The following PCDHGA3 variants were observed in gnomAD, a reference collection of about 807,000 sequenced individuals.
PCDHGA3 encodes protocadherin gamma subfamily A, 3, also known as protocadherin gamma-A3.
A neutral mutation model predicts 58.5 loss-of-function variants in PCDHGA3; 40 were observed. The observed-to-expected ratio is 0.68, with a 90% CI of 0.53 to 0.89. PCDHGA3 has a LOEUF of 0.89. PCDHGA3 is among the 40% of genes least tolerant of loss of function. PCDHGA3 has a pLI of 0.00. For missense variants in PCDHGA3, 1,223 were observed against 1,195.9 expected (o/e 1.02, Z -0.33); for synonymous variants, 530 against 525.7 (o/e 1.01, Z -0.11).
intron 1 of PCDHGA3, among the ~76,000 whole-genome samples, chr5:141,407,392 A>G (rs1427023659): frequency 6.6e-6 from 1 of 152,226 alleles, no homozygotes; most frequent in Non-Finnish European, 1.5e-5. Flanking sequence ...ATGTCATGGT[A>G]GGTAGTTACT....
rs369595307 is a variant in PCDHGA3, at chr5:141,394,005, A to G, written c.2424+47548A>G. On this transcript the variant is annotated intron_variant, in intron 1 of 3. Coordinates refer to ENST00000253812, the MANE Select transcript of PCDHGA3 (RefSeq NM_018916.4). ...TTTACCTTTTAAATTAGAAAAGTCA[A>G]TAGGTAATTATTATAGATTAGTGAC... 52 of 1,613,340 alleles carry G rather than the reference A, an allele frequency of 3.2e-5. No individual in the cohort carries two copies. In the African/African-American group the frequency reaches 5.6e-4, roughly 17 times the overall value.
In PCDHGA3 at chr5:141,344,136, G is replaced by T. The variant is rs770958946; in HGVS notation, c.103G>T (p.Val35Leu). ...ETGSGQIRYS[V>L]SEELDKGSFV... ...AGGATCCGGTCAGATCCGCTACTCG[G>T]TGTCTGAGGAGCTAGATAAAGGTTC... The change falls in exon 1 of 4, where the codon GTG (valine) becomes TTG (leucine). Residue 35 changes from valine to leucine, a missense_variant. Transcript: ENST00000253812. 6.2e-7 allele frequency: 1 copy of T among 1,614,060 alleles called. No homozygotes were observed. Among genetic ancestry groups the T allele is most frequent in the Non-Finnish European group, 8.5e-7 (1 of 1,179,902 alleles).
At chr5:141,387,282 A>C (rs578102496) in intron 1 of PCDHGA3, among the ~76,000 whole-genome samples, 59 of 152,340 alleles carry the variant, frequency 3.9e-4, no homozygotes, top group Admixed American at 2.0e-3. Context: ...CAATGAAAGA[A>C]AGATAAAATG....
chr5:141,431,256 C>T lies in PCDHGA3; in HGVS notation c.2425-63551C>T. The stretch of plus-strand genomic sequence containing the variant: ...TGGGATCCGGATATCGGGAAGAACT[C>T]TCTGCAGAGCTACGAGCTCAGCCCG... On this transcript the variant is annotated intron_variant, in intron 1 of 3. Transcript: ENST00000253812. This position sits in a 1 kb window ranked among gnomAD's most constrained non-coding sequence, Gnocchi z 4.8. The T allele has an allele frequency of 6.2e-7, 1 of 1,614,194 alleles. No homozygotes were observed. Among genetic ancestry groups the T allele is most frequent in the South Asian group, 1.1e-5 (1 of 91,088 alleles).
chr5:141,382,342 T>A (rs1481008486), intron 1 of PCDHGA3, among the ~76,000 whole-genome samples: 1 of 152,250 alleles, frequency 6.6e-6, no homozygotes, highest in East Asian at 1.9e-4. Context: ...GTAAAATCTT[T>A]CATATGTATT....
intron 1 of PCDHGA3, chr5:141,398,904 C>A (rs1487711986): frequency 3.1e-6 from 5 of 1,613,930 alleles, no homozygotes; most frequent in Non-Finnish European, 3.4e-6. Context: ...CACCAGGCAC[C>A]ACTGTGTTGC....
At chr5:141,451,170 A>G (rs960062747) in intron 1 of PCDHGA3, among the ~76,000 whole-genome samples, 8 of 152,148 alleles carry the variant, frequency 5.3e-5, no homozygotes, top group East Asian at 3.9e-4. Flanking sequence ...GTAGTATATT[A>G]TTTAGCCATT....
In PCDHGA3 at chr5:141,487,869, G is replaced by T; in HGVS notation, c.2425-6938G>T. On this transcript the variant is annotated intron_variant, in intron 1 of 3. Transcript: ENST00000253812. This position sits in a 1 kb window ranked among gnomAD's most constrained non-coding sequence, Gnocchi z 5.0. ...AAATGAAAGTAATTGGTGATCAAGA[G>T]CCAGGCTGTTGTGGAAGCATGATGA... 1.1e-6 allele frequency: 1 copy of T among 871,620 alleles called. No individual in the cohort carries two copies. The highest frequency in any genetic ancestry group is 1.7e-6 in the Non-Finnish European group (1 of 574,346). The allele number at this position is 871,620 out of a possible 1,614,324, so 54.0% of individuals were successfully genotyped here. A position where few individuals can be genotyped will look rare whatever the true frequency, so the allele number is the denominator to read the frequency against.
chr5:141,379,082 T>C (rs982884901), intron 1 of PCDHGA3: 9 of 152,216 alleles, frequency 5.9e-5, no homozygotes, highest in Non-Finnish European at 1.2e-4. Flanking sequence ...CTGAATTTGT[T>C]ATGAATGTGT....
Position 141,370,276 on chromosome 5 carries a change from C to G in PCDHGA3, c.2424+23819C>G, listed in dbSNP as rs1259059865. The G allele has an allele frequency of 3.6e-6, 3 of 839,228 alleles. No homozygotes were observed. The African/African-American group carries it at 5.1e-5, about 14-fold the overall frequency. 52.0% of individuals were successfully genotyped at this position (839,228 alleles called of 1,614,324 possible). ...ATCAGGCTTCCTGCAGCGGAGACAC[C>G]CATTAGAGAACCCAAGCACAAAGAC... On this transcript the variant is annotated intron_variant, in intron 1 of 3. Coordinates refer to ENST00000253812, the MANE Select transcript of PCDHGA3 (RefSeq NM_018916.4).
chr5:141,346,567 CCTTT>C, intron 1 of PCDHGA3, 110 bp downstream of exon 1: 1 of 1,440,334 alleles, frequency 6.9e-7, no homozygotes, highest in Non-Finnish European at 9.4e-7. Flanking sequence ...TGTCATTAGT[CCTTT>C]GACTAAATAT....
chr5:141,367,668 G>T (rs1218712700), intron 1 of PCDHGA3: 2 of 152,216 alleles, frequency 1.3e-5, no homozygotes, highest in East Asian at 3.9e-4. Flanking sequence ...TGGATATGTG[G>T]GCTTGTTGAG....
chr5:141,410,553 C>T, intron 1 of PCDHGA3: 1 of 1,613,232 alleles, frequency 6.2e-7, no homozygotes. Context: ...TGCAGTGTTT[C>T]TCCTGGAGCC....
At chr5:141,392,782 A>G (rs1375306296) in intron 1 of PCDHGA3, 1 of 1,540,122 alleles carries the variant, frequency 6.5e-7, no homozygotes, top group Non-Finnish European at 8.7e-7. Context: ...TGCACAGTGA[A>G]GATTCTGAGA....
At chr5:141,371,570 T>C (rs767925650) in intron 1 of PCDHGA3, 3 of 1,613,762 alleles carry the variant, frequency 1.9e-6, no homozygotes, top group Admixed American at 3.3e-5. Flanking sequence ...ACTTCCCCTT[T>C]AAAATCGTTC....
chr5:141,369,075 T>C (rs1766014399), intron 1 of PCDHGA3, among the ~76,000 whole-genome samples: 1 of 152,154 alleles, frequency 6.6e-6, no homozygotes, highest in African/African-American at 2.4e-5. Context: ...ATAATTTCTT[T>C]AGGAAGATTT....
At chr5:141,365,397 T>A (rs1763890362) in intron 1 of PCDHGA3, 1 of 1,613,844 alleles carries the variant, frequency 6.2e-7, no homozygotes, top group Non-Finnish European at 8.5e-7. Context: ...ACCAGTTCGA[T>A]CTCTGAAGAC....
chr5:141,394,458 A>T, intron 1 of PCDHGA3: 1 of 1,614,218 alleles, frequency 6.2e-7, no homozygotes, highest in Non-Finnish European at 8.5e-7. Context: ...CATGTCACTG[A>T]GCCTGTTCGT....
At chr5:141,362,329 A>G (rs1463168776) in intron 1 of PCDHGA3, 5 of 1,613,930 alleles carry the variant, frequency 3.1e-6, no homozygotes, top group Non-Finnish European at 4.2e-6. Flanking sequence ...GCCTGGTCTC[A>G]GCTCCAAGCC....
Sources: gnomAD v4.1 joint callset for allele counts (sites outside exome capture counted in the v4.1 genomes callset) on GRCh38, gnomAD v4.1.1 for gene constraint, Gnocchi (gnomAD v3.1) non-coding constraint, MANE v1.5 for transcripts, NCBI Gene and HGNC (gene_info 2026-07-23, HGNC 2026-07-21) for gene names.